Variants in ERG observed in about 807,000 individuals in gnomAD.
ERG encodes the protein transcriptional regulator ERG.
A neutral mutation model predicts 55.3 loss-of-function variants in ERG; 9 were observed. The ratio of observed to expected loss-of-function variants is 0.16; its 90% CI spans 0.10 to 0.28. The LOEUF is 0.28. Among genes scored for constraint, ERG ranks in the 10% least tolerant of loss-of-function variants. The pLI, the probability that ERG is intolerant of heterozygous loss-of-function variation, is 1.00. For missense variants in ERG, 434 were observed against 631.6 expected (o/e 0.69, Z 3.35); for synonymous variants, 223 against 237.3 (o/e 0.94, Z 0.55).
chr21:38,391,152 A>T, intron 8 of ERG, 110 bp from the exon 9 acceptor site: 3 of 881,264 alleles, frequency 3.4e-6, no homozygotes, highest in Non-Finnish European at 5.6e-6. Context: ...CAGAGCCGAA[A>T]ATGTCCTCCA....
intron 2 of ERG, among the ~76,000 whole-genome samples, chr21:38,545,361 G>A (rs919515590): frequency 6.6e-6 from 1 of 152,022 alleles, no homozygotes; most frequent in African/African-American, 2.4e-5. Context: ...AGAGGTAAAC[G>A]CTCCCTTGCT....
chr21:38,516,506 G>C (rs1193232229), intron 2 of ERG, among the ~76,000 whole-genome samples: 1 of 151,998 alleles, frequency 6.6e-6, no homozygotes, highest in African/African-American at 2.4e-5. Flanking sequence ...TCATGGATCA[G>C]AAGAACTAAT....
intron 1 of ERG, among the ~76,000 whole-genome samples, chr21:38,458,072 C>G (rs553438946): frequency 5.9e-5 from 9 of 152,308 alleles, no homozygotes; most frequent in Admixed American, 5.9e-4. Context: ...GAATCTGAAG[C>G]CTTAAGCTCC....
intron 3 of ERG, among the ~76,000 whole-genome samples, chr21:38,415,478 G>A (rs907657451): frequency 6.6e-6 from 1 of 152,120 alleles, no homozygotes; most frequent in Non-Finnish European, 1.5e-5. Flanking sequence ...AAACTTTGAT[G>A]TTAGCATTTC....
At chr21:38,561,455 CTTT>C (rs770497839) in intron 2 of ERG, among the ~76,000 whole-genome samples, 2 of 135,736 alleles carry the variant, frequency 1.5e-5, no homozygotes, top group African/African-American at 2.7e-5. Context: ...CTACACAATC[CTTT>C]TTTTTTTTTT....
intron 1 of ERG, among the ~76,000 whole-genome samples, chr21:38,592,570 A>ACT (rs1396503438): frequency 4.6e-4 from 29 of 62,930 alleles, no homozygotes; most frequent in African/African-American, 1.9e-3. Flanking sequence ...ATCTCCCTTC[A>ACT]CTGTGTGTGT....
chr21:38,575,782 A>C, intron 1 of ERG: 10 of 1,455,042 alleles, frequency 6.9e-6, no homozygotes, highest in South Asian at 1.2e-5. Context: ...CATAATAATA[A>C]ACAACTGCAT....
chr21:38,620,748 C>T (rs1426837714), intron 1 of ERG, among the ~76,000 whole-genome samples: 2 of 152,182 alleles, frequency 1.3e-5, no homozygotes, highest in Non-Finnish European at 2.9e-5. Context: ...CTCCACCAGG[C>T]TAAATCAAGT....
intron 2 of ERG, among the ~76,000 whole-genome samples, chr21:38,520,796 G>A (rs1463001587): frequency 6.6e-6 from 1 of 152,174 alleles, no homozygotes; most frequent in African/African-American, 2.4e-5. Flanking sequence ...GTAATGTTAA[G>A]GCTTAACAAC....
At chr21:38,518,068 ATGTAT>A (rs755459455) in intron 2 of ERG, among the ~76,000 whole-genome samples, 1 of 152,176 alleles carries the variant, frequency 6.6e-6, no homozygotes, top group Non-Finnish European at 1.5e-5. Flanking sequence ...CTTAACAAAA[ATGTAT>A]TGTATAGTTC....
chr21:38,385,482 C>T (rs1321029265), intron 9 of ERG, among the ~76,000 whole-genome samples: 2 of 152,212 alleles, frequency 1.3e-5, no homozygotes, highest in Non-Finnish European at 2.9e-5. Flanking sequence ...CCTCGCTAGC[C>T]TCCTGTACAT....
chr21:38,391,130 T>C lies in ERG; in HGVS notation c.872-88A>G, dbSNP rs1162494567. 4.3e-6 allele frequency: 5 copies of C among 1,170,744 alleles called. No homozygotes were observed. The Admixed American group carries it at 7.9e-5, about 19-fold the overall frequency. The allele number at this position is 1,170,744 out of a possible 1,614,324, so 72.5% of individuals were successfully genotyped here. ...CAGACATAATGCCTGACTTAATTGT[T>C]TTTTCAGATTTCAGAGCCGAAAATG... On this transcript the variant is annotated intron_variant, in intron 8 of 9. Coordinates refer to ENST00000288319, the MANE Select transcript of ERG (RefSeq NM_182918.4).
intron 1 of ERG, among the ~76,000 whole-genome samples, chr21:38,455,114 CTTTCTTTT>C (rs1569112461): frequency 3.4e-5 from 4 of 118,720 alleles, no homozygotes; most frequent in Non-Finnish European, 3.6e-5. Context: ...TTCTTTCTTT[CTTTCTTTT>C]TTTTTTTTTT....
intron 2 of ERG, among the ~76,000 whole-genome samples, chr21:38,517,861 G>A (rs2059563565): frequency 6.6e-6 from 1 of 152,060 alleles, no homozygotes; most frequent in Non-Finnish European, 1.5e-5. Flanking sequence ...AAGCACAAAG[G>A]ACAAATACCA....
intron 2 of ERG, among the ~76,000 whole-genome samples, chr21:38,429,030 TC>T (rs941471204): frequency 2.0e-4 from 31 of 152,276 alleles, no homozygotes; most frequent in African/African-American, 6.5e-4. Context: ...CTTTTCTCCC[TC>T]ACCCACTCCC....
chr21:38,462,372 ATT>A (rs35801095), intron 1 of ERG, among the ~76,000 whole-genome samples: 63 of 151,932 alleles, frequency 4.1e-4, no homozygotes, highest in African/African-American at 1.4e-3. Flanking sequence ...CATATACACA[ATT>A]TTTTTTTAAG....
intron 1 of ERG, among the ~76,000 whole-genome samples, chr21:38,591,637 A>G (rs530259800): frequency 6.6e-6 from 1 of 152,344 alleles, no homozygotes; most frequent in Non-Finnish European, 1.5e-5. Context: ...GGTTGCAGCA[A>G]GCTGAGATTG....
At chr21:38,548,661 T>A (rs1568903504) in intron 2 of ERG, among the ~76,000 whole-genome samples, 1 of 144,122 alleles carries the variant, frequency 6.9e-6, no homozygotes, top group African/African-American at 2.6e-5. Flanking sequence ...AGACCACGTT[T>A]GACCGTGTTA....
intron 2 of ERG, among the ~76,000 whole-genome samples, chr21:38,518,911 G>C (rs2059573452): frequency 6.6e-6 from 1 of 152,140 alleles, no homozygotes; most frequent in South Asian, 2.1e-4. Context: ...TTCATATCCA[G>C]AATATGTAAA....
Sources: allele counts gnomAD v4.1 joint callset (sites outside exome capture counted in the v4.1 genomes callset), GRCh38; gene constraint gnomAD v4.1.1; transcripts MANE v1.5; gene names NCBI Gene and HGNC (gene_info 2026-07-23, HGNC 2026-07-21).